SEMA3A: variants seen among roughly 807,000 people sequenced by gnomAD.
SEMA3A encodes semaphorin 3A, also known as semaphorin-3A.
A neutral mutation model predicts 97.9 loss-of-function variants in SEMA3A; 29 were observed. The observed-to-expected ratio is 0.30, with a 90% CI of 0.22 to 0.40. The LOEUF is 0.40. Among genes scored for constraint, SEMA3A ranks in the 10% least tolerant of loss-of-function variants. The pLI is 1.00. For missense variants in SEMA3A, 763 were observed against 951.3 expected (o/e 0.80, Z 2.60); for synonymous variants, 321 against 323.7 (o/e 0.99, Z 0.09).
chr7:84,445,079 AT>A lies in SEMA3A; in HGVS notation c.-246+47380del, dbSNP rs564670651. Among the ~76,000 whole-genome samples, 40 of 152,038 alleles carry A rather than the reference AT, an allele frequency of 2.6e-4. No individual in the cohort carries two copies. The South Asian group carries it at 7.9e-3, about 30-fold the overall frequency. On this transcript the variant is annotated intron_variant, in intron 1 of 3. Coordinates refer to the SEMA3A transcript ENST00000424555. Reference sequence around the variant, plus strand: ...TGTTTTGACATAACAAATTAATATAATTTTTTTCTGATGCAAATAAATTTTG... The same window carrying A: ...TGTTTTGACATAACAAATTAATATAATTTTTTCTGATGCAAATAAATTTTG...
chr7:84,321,639 G>A (rs1268806689), intron 2 of SEMA3A, among the ~76,000 whole-genome samples: 2 of 151,920 alleles, frequency 1.3e-5, no homozygotes, highest in African/African-American at 4.8e-5. Context: ...CACTTTGGGA[G>A]GCCAAAGCAG....
intron 12 of SEMA3A, among the ~76,000 whole-genome samples, chr7:83,994,983 G>T (rs1293717687): frequency 1.3e-5 from 2 of 152,198 alleles, no homozygotes; most frequent in South Asian, 2.1e-4. Context: ...ATGGGCACAG[G>T]ACCCTCCGAG....
intron 15 of SEMA3A, among the ~76,000 whole-genome samples, chr7:83,972,973 T>C (rs1361380704): frequency 6.6e-6 from 1 of 152,174 alleles, no homozygotes. Flanking sequence ...AAGTATTTGA[T>C]TCTAAGACGC....
At chr7:84,344,687 G>T (rs2116000389) in intron 2 of SEMA3A, among the ~76,000 whole-genome samples, 1 of 152,268 alleles carries the variant, frequency 6.6e-6, no homozygotes, top group East Asian at 1.9e-4. Flanking sequence ...ATCTACTCAG[G>T]CGTGAGAGTA....
chr7:84,066,001 C>T (rs1300734800), intron 4 of SEMA3A, among the ~76,000 whole-genome samples: 2 of 151,530 alleles, frequency 1.3e-5, no homozygotes, highest in East Asian at 1.9e-4. Flanking sequence ...CCTTGATGAA[C>T]ATTGATGCAA....
chr7:84,117,320 G>C (rs1043328650), intron 3 of SEMA3A, among the ~76,000 whole-genome samples: 5 of 152,148 alleles, frequency 3.3e-5, no homozygotes, highest in African/African-American at 1.2e-4. Context: ...CATTTGAAAA[G>C]GCATTCTCAA....
At chr7:83,976,533 G>A (rs148771786) in intron 15 of SEMA3A, among the ~76,000 whole-genome samples, 3 of 151,668 alleles carry the variant, frequency 2.0e-5, no homozygotes, top group Non-Finnish European at 4.4e-5. Context: ...GTGAAGGTTG[G>A]TTGATGTTTC....
At chr7:84,052,972 C>T (rs1206628146) in intron 5 of SEMA3A, among the ~76,000 whole-genome samples, 1 of 150,512 alleles carries the variant, frequency 6.6e-6, no homozygotes, top group Non-Finnish European at 1.5e-5. Flanking sequence ...CGTTATGTAC[C>T]CAGTAGTCAT....
At chr7:84,149,768 G>A (rs1180222384) in intron 1 of SEMA3A, among the ~76,000 whole-genome samples, 1 of 152,156 alleles carries the variant, frequency 6.6e-6, no homozygotes, top group Non-Finnish European at 1.5e-5. Flanking sequence ...AGTGAAATAT[G>A]ATCCCTATTT....
chr7:84,257,989 T>C (rs1799755826), intron 3 of SEMA3A, among the ~76,000 whole-genome samples: 1 of 152,184 alleles, frequency 6.6e-6, no homozygotes, highest in African/African-American at 2.4e-5. Context: ...TCAAATGTTA[T>C]TGCAAATACT....
chr7:84,283,622 A>G (rs1800507879), intron 3 of SEMA3A, among the ~76,000 whole-genome samples: 1 of 152,124 alleles, frequency 6.6e-6, no homozygotes, highest in Non-Finnish European at 1.5e-5. Flanking sequence ...AAAGTATCAA[A>G]CTAGCTGCTT....
chr7:84,093,006 T>C (rs918343924), intron 4 of SEMA3A, among the ~76,000 whole-genome samples: 3 of 152,152 alleles, frequency 2.0e-5, no homozygotes, highest in African/African-American at 7.2e-5. Context: ...TCAATATAGA[T>C]TATTCCTGAC....
chr7:84,223,963 T>C (rs1226181413), intron 3 of SEMA3A, among the ~76,000 whole-genome samples: 1 of 151,770 alleles, frequency 6.6e-6, no homozygotes, highest in Non-Finnish European at 1.5e-5. Context: ...AATATGGAAA[T>C]AAAAGTGCAT....
intron 1 of SEMA3A, among the ~76,000 whole-genome samples, chr7:84,384,617 C>A (rs973743886): frequency 1.3e-5 from 2 of 152,122 alleles, no homozygotes; most frequent in African/African-American, 4.8e-5. Context: ...GTGTGCAGTA[C>A]ACAGTGATTC....
At position 84,426,285 on chromosome 7, in the gene SEMA3A, T is replaced by TAGAC. The variant is rs1319040493; in HGVS notation, c.-245-54386_-245-54385insGTCT. 1.0e-3 allele frequency among the ~76,000 whole-genome samples: 154 copies of TAGAC among 148,284 alleles called. 1 individual carries two copies. The East Asian group carries it at 0.016, about 15-fold the overall frequency. ...AGATATAGATATATAGACAGATAGA[T>TAGAC]AGATAGATAGATAGATAGATAGATA... On this transcript the variant is annotated intron_variant, in intron 1 of 3. Transcript: ENST00000424555.
intron 2 of SEMA3A, among the ~76,000 whole-genome samples, chr7:84,357,221 C>A (rs1051500245): frequency 1.3e-5 from 2 of 151,506 alleles, no homozygotes; most frequent in Non-Finnish European, 2.9e-5. Flanking sequence ...TGTTGGTGTG[C>A]TGCACCCATT....
chr7:84,409,002 A>G (rs1427118997), intron 1 of SEMA3A, among the ~76,000 whole-genome samples: 1 of 151,542 alleles, frequency 6.6e-6, no homozygotes, highest in Non-Finnish European at 1.5e-5. Context: ...TATGTAACAA[A>G]ACTGCACGTT....
intron 2 of SEMA3A, among the ~76,000 whole-genome samples, chr7:84,368,269 G>T (rs2116091214): frequency 1.3e-5 from 2 of 150,896 alleles, no homozygotes; most frequent in East Asian, 1.9e-4. Flanking sequence ...AAAGAACTCA[G>T]TTTTTTTTAT....
At chr7:84,094,271 T>C (rs1371426080) in intron 4 of SEMA3A, among the ~76,000 whole-genome samples, 1 of 151,858 alleles carries the variant, frequency 6.6e-6, no homozygotes, top group Non-Finnish European at 1.5e-5. Context: ...GAGGCAAACG[T>C]CCTTCTTTCT....
Sources: allele counts gnomAD v4.1 joint callset (sites outside exome capture counted in the v4.1 genomes callset), GRCh38; gene constraint gnomAD v4.1.1; transcripts MANE v1.5; gene names NCBI Gene and HGNC (gene_info 2026-07-23, HGNC 2026-07-21).